The following CORIN variants were observed in gnomAD, a reference collection of about 807,000 sequenced individuals.
CORIN encodes corin, serine peptidase.
A neutral mutation model predicts 125.3 loss-of-function variants in CORIN; 117 were observed. That is an observed-to-expected ratio of 0.93 (90% CI 0.80 to 1.09). The LOEUF (loss-of-function observed/expected upper bound fraction) is 1.09. Ranked by LOEUF, CORIN falls within the 50% of genes least tolerant of loss-of-function variation. The pLI, the probability that CORIN is intolerant of heterozygous loss-of-function variation, is 0.00. For synonymous variants in CORIN, 450 were observed against 466.4 expected (o/e 0.96, Z 0.45); for missense variants, 1,253 against 1,306.7 (o/e 0.96, Z 0.63).
rs148203728 is a variant in CORIN, at chr4:47,811,591, G to A, written c.64-4544C>T. 1.8e-4 allele frequency among the ~76,000 whole-genome samples: 27 copies of A among 152,238 alleles called. 1 individual carries two copies. The East Asian group carries it at 3.3e-3, about 19-fold the overall frequency. ...ACCAAAGGTGAGTCCTCATCTATCA[G>A]GGATGGTTGTCCTTTCAAATATTCC... On this transcript the variant is annotated intron_variant, in intron 1 of 21. Transcript: ENST00000273857.
intron 1 of CORIN, among the ~76,000 whole-genome samples, chr4:47,823,352 C>G (rs982594150): frequency 1.3e-5 from 2 of 152,094 alleles, no homozygotes; most frequent in Admixed American, 6.5e-5. Context: ...CCTTGCATCA[C>G]CCTTGGAATC....
chr4:47,767,977 T>C (rs932076139), intron 3 of CORIN, among the ~76,000 whole-genome samples: 5 of 152,196 alleles, frequency 3.3e-5, no homozygotes, highest in African/African-American at 1.2e-4. Flanking sequence ...GACCTGCAAG[T>C]ATACATCCAG....
intron 15 of CORIN, among the ~76,000 whole-genome samples, 191 bp from the exon 16 acceptor site, chr4:47,642,240 G>C (rs1178231655): frequency 2.0e-5 from 3 of 152,114 alleles, no homozygotes; most frequent in African/African-American, 7.2e-5. Flanking sequence ...AAATGAATTA[G>C]AAATGTTCTC....
At chr4:47,799,109 GTGT>G (rs1731420587) in intron 2 of CORIN, among the ~76,000 whole-genome samples, 3 of 104,022 alleles carry the variant, frequency 2.9e-5, no homozygotes, top group Admixed American at 2.2e-4. Flanking sequence ...CCCATGGGGT[GTGT>G]GTGTGTGTGT....
intron 4 of CORIN, among the ~76,000 whole-genome samples, chr4:47,750,512 C>T (rs572300912): frequency 6.6e-6 from 1 of 152,148 alleles, no homozygotes; most frequent in Non-Finnish European, 1.5e-5. Flanking sequence ...AAGGTACAGG[C>T]AGGGTTTAGA....
Position 47,665,155 on chromosome 4 carries a change from C to A in CORIN, c.1466G>T (p.Trp489Leu), listed in dbSNP as rs768647841. The stretch of plus-strand genomic sequence containing the variant: ...AAGTGCAGGGAAAAGAGAAGACTCC[C>A]AGCTGATGGATGCTTCCTTTTGAGT... ...HRTQKEASIS[W>L]ESSLFPALVQ... Residue 489 changes from tryptophan to leucine, a missense_variant, in exon 11 of 22, where the codon TGG becomes TTG. By Grantham distance (61) the Trp-to-Leu change is moderately conservative. Coordinates refer to ENST00000273857, the MANE Select transcript of CORIN (RefSeq NM_006587.4). 7 of 1,613,898 alleles carry A rather than the reference C, an allele frequency of 4.3e-6. No homozygotes were observed. The South Asian group carries it at 7.7e-5, about 18-fold the overall frequency.
chr4:47,766,407 T>A (rs1054033415), intron 3 of CORIN, among the ~76,000 whole-genome samples: 7 of 152,006 alleles, frequency 4.6e-5, no homozygotes, highest in African/African-American at 1.2e-4. Flanking sequence ...AGACACACAC[T>A]CTTACTATTT....
At chr4:47,700,273 G>T (rs1321348868) in intron 5 of CORIN, among the ~76,000 whole-genome samples, 2 of 152,132 alleles carry the variant, frequency 1.3e-5, no homozygotes, top group African/African-American at 4.8e-5. Flanking sequence ...ACTTTTAGGG[G>T]TAGAGGGGGA....
chr4:47,777,399 G>A lies in CORIN; in HGVS notation c.409+9326C>T, dbSNP rs1020110260. Among the ~76,000 whole-genome samples, 9 of 152,268 alleles carry A rather than the reference G, an allele frequency of 5.9e-5. No individual in the cohort carries two copies. The East Asian group carries it at 9.6e-4, about 16-fold the overall frequency. ...TGTAATCCCAGCACTTTGGGAGGCC[G>A]AGGCAGGCAGATCAAGACGTCAGGA... On this transcript the variant is annotated intron_variant, in intron 3 of 21. Coordinates refer to ENST00000273857, the MANE Select transcript of CORIN (RefSeq NM_006587.4).
chr4:47,788,087 G>A (rs1417275255), intron 2 of CORIN, among the ~76,000 whole-genome samples: 1 of 152,150 alleles, frequency 6.6e-6, no homozygotes, highest in Non-Finnish European at 1.5e-5. Context: ...TGTGTTTCCA[G>A]AATATCGCAC....
Position 47,744,599 on chromosome 4 carries a change from GAGAA to G in CORIN, c.618-20_618-17del. On this transcript the variant is annotated splice_polypyrimidine_tract_variant and intron_variant, in intron 4 of 21. Transcript: ENST00000273857. Reference sequence around the variant, plus strand: ...GAGTCCATGACTAAAAAAAAAAAAAGAGAAAGGTGAAAATTAGTGTCTTTACAGA... The same window carrying G: ...GAGTCCATGACTAAAAAAAAAAAAAGAGGTGAAAATTAGTGTCTTTACAGA... 1 of 1,472,808 alleles carries G rather than the reference GAGAA, an allele frequency of 6.8e-7. No homozygotes were observed. The allele number at this position is 1,472,808 out of a possible 1,614,324, so 91.2% of individuals were successfully genotyped here. A position where few individuals can be genotyped will look rare whatever the true frequency, so the allele number is the denominator to read the frequency against.
At chr4:47,636,209 A>C (rs1217654144) in intron 16 of CORIN, among the ~76,000 whole-genome samples, 2 of 152,220 alleles carry the variant, frequency 1.3e-5, no homozygotes, top group Non-Finnish European at 2.9e-5. Flanking sequence ...AACTAACTCC[A>C]TAAAAGCATT....
intron 13 of CORIN, among the ~76,000 whole-genome samples, chr4:47,650,925 A>T (rs1481696582): frequency 1.3e-5 from 2 of 152,156 alleles, no homozygotes; most frequent in Non-Finnish European, 2.9e-5. Flanking sequence ...GACATTTTCA[A>T]CTCTTGTTTA....
chr4:47,635,796 A>G (rs919897518), intron 16 of CORIN, among the ~76,000 whole-genome samples: 1 of 152,216 alleles, frequency 6.6e-6, no homozygotes, highest in African/African-American at 2.4e-5. Context: ...AGACAACATG[A>G]AAAAGACACC....
chr4:47,791,035 G>A (rs893517600), intron 2 of CORIN, among the ~76,000 whole-genome samples: 2 of 152,138 alleles, frequency 1.3e-5, no homozygotes, highest in African/African-American at 2.4e-5. Context: ...CTCCCCCAGA[G>A]ATGCCACATC....
At chr4:47,662,047 A>G (rs1451864174) in intron 11 of CORIN, among the ~76,000 whole-genome samples, 191 bp from the exon 12 acceptor site, 10 of 152,272 alleles carry the variant, frequency 6.6e-5, no homozygotes, top group Admixed American at 6.5e-4. Context: ...AAGAGTATAC[A>G]TTCCAGCACC....
chr4:47,762,194 G>A (rs1482362612), intron 4 of CORIN, among the ~76,000 whole-genome samples: 1 of 152,004 alleles, frequency 6.6e-6, no homozygotes, highest in Non-Finnish European at 1.5e-5. Flanking sequence ...CACAAAAATG[G>A]TACAATGTGA....
intron 4 of CORIN, among the ~76,000 whole-genome samples, chr4:47,762,871 C>T (rs771315394): frequency 2.6e-5 from 4 of 152,186 alleles, no homozygotes; most frequent in Non-Finnish European, 4.4e-5. Context: ...AGTGGCCGTG[C>T]TCCTCTGCCT....
intron 5 of CORIN, among the ~76,000 whole-genome samples, chr4:47,713,271 C>G (rs933966762): frequency 1.3e-5 from 2 of 152,084 alleles, no homozygotes; most frequent in African/African-American, 4.8e-5. Flanking sequence ...ATGAATAAGA[C>G]AGTAACAAAC....
Sources: allele counts gnomAD v4.1 joint callset (sites outside exome capture counted in the v4.1 genomes callset), GRCh38; gene constraint gnomAD v4.1.1; transcripts MANE v1.5; gene names NCBI Gene and HGNC (gene_info 2026-07-23, HGNC 2026-07-21).